CCDC85C: variants seen among roughly 807,000 people sequenced by gnomAD.
The protein encoded by CCDC85C is coiled-coil domain containing 85C.
CCDC85C carries 18 observed loss-of-function variants against 38.3 expected under a neutral mutation model. The ratio of observed to expected loss-of-function variants is 0.47; its 90% CI spans 0.33 to 0.70. The LOEUF is 0.70. Ranked by LOEUF, CCDC85C falls within the 30% of genes least tolerant of loss-of-function variation. The pLI is 0.03. For synonymous variants in CCDC85C, 264 were observed against 293.8 expected, an observed-to-expected ratio of 0.90 and a Z score of 1.04; for missense variants, 566 against 621.2, an observed-to-expected ratio of 0.91 and a Z score of 0.94.
chr14:99,544,880 C>T lies in CCDC85C; in HGVS notation c.794-8792G>A, dbSNP rs986070856. Among the ~76,000 whole-genome samples, 4 of 152,174 alleles carry T rather than the reference C, an allele frequency of 2.6e-5. No homozygotes were observed. The highest frequency in any genetic ancestry group is 6.5e-5 in the Admixed American group (1 of 15,278). Reference sequence around the variant, plus strand: ...TTCCCCTGAGATCCACCTCCATGCCCGGAGACATGGGATCATGGGAACCTA... The same window carrying T: ...TTCCCCTGAGATCCACCTCCATGCCTGGAGACATGGGATCATGGGAACCTA... On this transcript the variant is annotated intron_variant, in intron 1 of 5. Coordinates refer to ENST00000380243, the MANE Select transcript of CCDC85C (RefSeq NM_001144995.2). The surrounding 1 kb of genome is among the most constrained non-coding windows in gnomAD (Gnocchi z 5.3).
At chr14:99,557,291 G>A (rs1483919999) in intron 1 of CCDC85C, among the ~76,000 whole-genome samples, 2 of 152,176 alleles carry the variant, frequency 1.3e-5, no homozygotes, top group East Asian at 3.9e-4. Flanking sequence ...ATTCACCAGG[G>A]CACGTGGTCT....
Position 99,562,009 on chromosome 14 carries a change from T to C in CCDC85C, c.794-25921A>G, listed in dbSNP as rs185971326. Among the ~76,000 whole-genome samples the C allele has an allele frequency of 2.0e-5, 3 of 152,286 alleles. No homozygotes were observed. The East Asian group carries it at 5.8e-4, about 29-fold the overall frequency. ...CGCGAGGACCTCAGTGCAGAGCCAC[T>C]GACTGGAACACCTGCTTCCTTCAGC... On this transcript the variant is annotated intron_variant, in intron 1 of 5. Transcript: ENST00000380243.
At chr14:99,527,129 C>T (rs1412315946) in intron 2 of CCDC85C, among the ~76,000 whole-genome samples, 1 of 152,216 alleles carries the variant, frequency 6.6e-6, no homozygotes, top group Non-Finnish European at 1.5e-5. Flanking sequence ...GTTGTTCCCA[C>T]GAGGGCACGC....
chr14:99,556,208 G>A (rs1315962326), intron 1 of CCDC85C, among the ~76,000 whole-genome samples: 2 of 152,224 alleles, frequency 1.3e-5, no homozygotes, highest in African/African-American at 2.4e-5. Context: ...CTTGAGCCCA[G>A]GAGTTCAAGA....
chr14:99,542,181 A>T (rs537836205), intron 1 of CCDC85C, among the ~76,000 whole-genome samples: 7 of 152,338 alleles, frequency 4.6e-5, no homozygotes, highest in Non-Finnish European at 7.3e-5. Flanking sequence ...CTTCATTAAG[A>T]GGAGTCAGCT....
In CCDC85C at chr14:99,558,193, T is replaced by C. The variant is rs1898048392; in HGVS notation, c.794-22105A>G. 6.6e-6 allele frequency among the ~76,000 whole-genome samples: 1 copy of C among 152,226 alleles called. No homozygotes were observed. The highest frequency in any genetic ancestry group is 6.5e-5 in the Admixed American group (1 of 15,276). On this transcript the variant is annotated intron_variant, in intron 1 of 5. Coordinates refer to ENST00000380243, the MANE Select transcript of CCDC85C (RefSeq NM_001144995.2). The surrounding 1 kb of genome is among the most constrained non-coding windows in gnomAD (Gnocchi z 4.2). ...GAGAACTCAGCCGTGTGAAAGCCACTGGCCTTCATCATCTGCCCAACAGCA... is the reference window on the plus strand; with the variant it reads ...GAGAACTCAGCCGTGTGAAAGCCACCGGCCTTCATCATCTGCCCAACAGCA...
intron 1 of CCDC85C, among the ~76,000 whole-genome samples, chr14:99,586,806 C>G (rs555417313): frequency 6.6e-6 from 1 of 152,276 alleles, no homozygotes; most frequent in Non-Finnish European, 1.5e-5. Context: ...GCCCCTTCCA[C>G]CCTATGCCTG....
chr14:99,560,781 CA>C (rs1274863411), intron 1 of CCDC85C, among the ~76,000 whole-genome samples: 1 of 152,240 alleles, frequency 6.6e-6, no homozygotes, highest in Non-Finnish European at 1.5e-5. Flanking sequence ...CGCAGAACAC[CA>C]AGCGAGCAGG....
At chr14:99,518,785 A>G (rs1359643341) in intron 3 of CCDC85C, among the ~76,000 whole-genome samples, 1 of 152,194 alleles carries the variant, frequency 6.6e-6, no homozygotes, top group East Asian at 1.9e-4. Flanking sequence ...TCTGCAGCAC[A>G]GGCAGGAGGG....
chr14:99,522,212 A>T lies in CCDC85C; in HGVS notation c.896T>A (p.Leu299Gln). The change falls in exon 3 of 6, where the codon CTG (leucine) becomes CAG (glutamine). Residue 299 changes from leucine to glutamine, a missense_variant. Transcript: ENST00000380243. The part of the protein sequence containing the change: ...QQAGSGEFRT[L>Q]RKGFSPYHSE... ...GTGGTAGGGCGAGAAGCCTTTCCGC[A>T]GCGTGCGGAACTCTCCGGAGCCTGC... 2 of 1,550,280 alleles carry T rather than the reference A, an allele frequency of 1.3e-6. No individual in the cohort carries two copies. The highest frequency in any genetic ancestry group is 1.7e-6 in the Non-Finnish European group (2 of 1,146,882).
intron 1 of CCDC85C, among the ~76,000 whole-genome samples, chr14:99,542,838 C>T (rs1308446008): frequency 6.6e-6 from 1 of 152,240 alleles, no homozygotes; most frequent in Non-Finnish European, 1.5e-5. Context: ...GGCATGAGCA[C>T]TTCGGGTTTC....
chr14:99,525,033 G>T (rs961161810), intron 2 of CCDC85C, among the ~76,000 whole-genome samples: 1 of 152,210 alleles, frequency 6.6e-6, no homozygotes, highest in Non-Finnish European at 1.5e-5. Context: ...GGCCCAATCC[G>T]CATTACTCAC....
intron 1 of CCDC85C, among the ~76,000 whole-genome samples, chr14:99,568,246 C>CTTTTTTTTTTTTTTTTTTTT (rs776784723): frequency 1.7e-5 from 2 of 114,488 alleles, no homozygotes; most frequent in African/African-American, 3.8e-5. Context: ...GCCACCTGCC[C>CTTTTTTTTTTTTTTTTTTTT]TTTATTTTTT....
chr14:99,570,338 C>T (rs963006372), intron 1 of CCDC85C, among the ~76,000 whole-genome samples: 1 of 152,258 alleles, frequency 6.6e-6, no homozygotes, highest in Admixed American at 6.5e-5. Context: ...CCTCTTTATC[C>T]TGCCAGGCTC....
intron 2 of CCDC85C, among the ~76,000 whole-genome samples, chr14:99,526,694 G>T (rs1038309600): frequency 2.0e-5 from 3 of 152,220 alleles, no homozygotes; most frequent in Admixed American, 6.5e-5. Context: ...AGCTCCCAGG[G>T]TTGGTCAGTG....
chr14:99,518,899 G>A (rs1308954824), intron 3 of CCDC85C, among the ~76,000 whole-genome samples: 1 of 152,064 alleles, frequency 6.6e-6, no homozygotes, highest in Non-Finnish European at 1.5e-5. Flanking sequence ...TCCTGAAAGT[G>A]ACACCAGGAC....
intron 1 of CCDC85C, among the ~76,000 whole-genome samples, chr14:99,554,669 G>A (rs978042735): frequency 6.6e-6 from 1 of 152,178 alleles, no homozygotes. Context: ...TCCTCTTCTC[G>A]GGTTGCTCCA....
chr14:99,517,588 C>T (rs1008597308), intron 3 of CCDC85C, among the ~76,000 whole-genome samples: 1 of 152,186 alleles, frequency 6.6e-6, no homozygotes, highest in Admixed American at 6.5e-5. Flanking sequence ...GCACCTGACT[C>T]CAAACTCCCT....
At chr14:99,542,134 G>T (rs1218772141) in intron 1 of CCDC85C, among the ~76,000 whole-genome samples, 1 of 152,238 alleles carries the variant, frequency 6.6e-6, no homozygotes, top group South Asian at 2.1e-4. Flanking sequence ...ACCGTTCAGC[G>T]CAGCAGCTTG....
Sources: allele counts gnomAD v4.1 joint callset (sites outside exome capture counted in the v4.1 genomes callset), GRCh38; gene constraint gnomAD v4.1.1; non-coding constraint Gnocchi (gnomAD v3.1); transcripts MANE v1.5; gene names NCBI Gene and HGNC (gene_info 2026-07-23, HGNC 2026-07-21).